Variants in PTPN12 observed in about 807,000 individuals in gnomAD.
PTPN12 encodes the protein tyrosine-protein phosphatase non-receptor type 12.
A neutral mutation model predicts 97.6 loss-of-function variants in PTPN12; 29 were observed. The observed-to-expected ratio is 0.30, with a 90% CI of 0.22 to 0.41. The LOEUF (loss-of-function observed/expected upper bound fraction) is 0.41, where lower values mean the gene tolerates loss of function less well. PTPN12 is among the 10% of genes least tolerant of loss of function. The pLI, the probability that PTPN12 is intolerant of heterozygous loss-of-function variation, is 1.00. For missense variants in PTPN12, 819 were observed against 926.0 expected, an observed-to-expected ratio of 0.88 and a Z score of 1.50; for synonymous variants, 327 against 300.4, an observed-to-expected ratio of 1.09 and a Z score of -0.91.
intron 1 of PTPN12, among the ~76,000 whole-genome samples, chr7:77,555,703 A>G (rs1036524206): frequency 1.3e-5 from 2 of 152,146 alleles, no homozygotes; most frequent in African/African-American, 2.4e-5. Flanking sequence ...TCGTGAGGTC[A>G]TGAGATCGAG....
At chr7:77,605,409 G>GTTTT (rs751962814) in intron 8 of PTPN12, among the ~76,000 whole-genome samples, 24 of 95,540 alleles carry the variant, frequency 2.5e-4, no homozygotes, top group Admixed American at 6.6e-4. Context: ...TTTGTCATGA[G>GTTTT]TTTTTTTTTT....
At chr7:77,570,987 G>A in intron 1 of PTPN12, 91 bp from the exon 2 acceptor site, 3 of 726,550 alleles carry the variant, frequency 4.1e-6, no homozygotes, top group East Asian at 6.3e-5. Flanking sequence ...AGGAAAATGA[G>A]TTGTGAGGAA....
At chr7:77,600,894 C>A in intron 8 of PTPN12, 88 bp downstream of exon 8, 1 of 1,152,438 alleles carries the variant, frequency 8.7e-7, no homozygotes, top group East Asian at 2.4e-5. Context: ...TGTTAGTAAT[C>A]TTGAATTTCT....
chr7:77,589,750 A>AAT (rs1357714944), intron 5 of PTPN12, among the ~76,000 whole-genome samples: 6 of 152,158 alleles, frequency 3.9e-5, no homozygotes, highest in Non-Finnish European at 7.4e-5. Context: ...AAGGGTTGTC[A>AAT]ATATATACAT....
intron 5 of PTPN12, among the ~76,000 whole-genome samples, chr7:77,587,430 T>G (rs547912327): frequency 6.6e-6 from 1 of 152,190 alleles, no homozygotes; most frequent in South Asian, 2.1e-4. Flanking sequence ...CTTAAAATAT[T>G]CATTAAACCA....
chr7:77,628,962 T>C (rs1332365453), intron 13 of PTPN12, among the ~76,000 whole-genome samples: 4 of 152,206 alleles, frequency 2.6e-5, no homozygotes, highest in Non-Finnish European at 5.9e-5. Flanking sequence ...GATGACAGTC[T>C]TTTTGAGACA....
Position 77,576,059 on chromosome 7 carries a change from TTGGCCAGAC to T in PTPN12, c.208+4877_208+4885del, listed in dbSNP as rs1399361593. Reference sequence around the variant, plus strand: ...TTAGTAGATACAGGGTTTCACTATGTTGGCCAGACTGGTCTCGAACTCCTGACCTCGTGA... The same window carrying T: ...TTAGTAGATACAGGGTTTCACTATGTTGGTCTCGAACTCCTGACCTCGTGA... On this transcript the variant is annotated intron_variant, in intron 2 of 17. Coordinates refer to ENST00000248594, the MANE Select transcript of PTPN12 (RefSeq NM_002835.4). Among the ~76,000 whole-genome samples the T allele has an allele frequency of 2.6e-5, 4 of 152,288 alleles. 1 individual carries two copies. The highest frequency in any genetic ancestry group is 9.6e-5 in the African/African-American group (4 of 41,570).
chr7:77,576,814 G>A lies in PTPN12; in HGVS notation c.209-4613G>A, dbSNP rs1584134904. On this transcript the variant is annotated intron_variant, in intron 2 of 17. Transcript: ENST00000248594. Reference sequence around the variant, plus strand: ...GGTGGCCCAAAATCATGGGTGCTGTGGCTTTCTCCCTAAGGTGTCACAGGA... The same window carrying A: ...GGTGGCCCAAAATCATGGGTGCTGTAGCTTTCTCCCTAAGGTGTCACAGGA... 2.0e-5 allele frequency among the ~76,000 whole-genome samples: 3 copies of A among 152,304 alleles called. No individual in the cohort carries two copies. The East Asian group carries it at 5.8e-4, about 29-fold the overall frequency.
chr7:77,589,620 AATTT>A (rs1750781818), intron 5 of PTPN12, among the ~76,000 whole-genome samples: 1 of 152,140 alleles, frequency 6.6e-6, no homozygotes, highest in Non-Finnish European at 1.5e-5. Flanking sequence ...GGGAAGCCTT[AATTT>A]ATTCCATTAC....
chr7:77,633,806 T>C (rs769340835), intron 14 of PTPN12, among the ~76,000 whole-genome samples: 1 of 151,914 alleles, frequency 6.6e-6, no homozygotes, highest in Non-Finnish European at 1.5e-5. Flanking sequence ...GAGGATTGCT[T>C]GAGCCTAAGA....
Position 77,597,905 on chromosome 7 carries a change from G to T in PTPN12, c.552+4G>T. The T allele has an allele frequency of 6.2e-7, 1 of 1,612,218 alleles. No homozygotes were observed. The highest frequency in any genetic ancestry group is 1.1e-5 in the South Asian group (1 of 90,518). On this transcript the variant is annotated splice_donor_region_variant and intron_variant, in intron 7 of 17. Coordinates refer to ENST00000248594, the MANE Select transcript of PTPN12 (RefSeq NM_002835.4). Reference sequence around the variant, plus strand: ...ACTCTTACTTGAATTTCAAAATGTAGGTACTTACCATTTATAGACTATCTG... The same window carrying T: ...ACTCTTACTTGAATTTCAAAATGTATGTACTTACCATTTATAGACTATCTG...
intron 12 of PTPN12, among the ~76,000 whole-genome samples, chr7:77,625,472 GCTCTCTCTCTCTCTCTCTCTCTCTCT>G (rs775712037): frequency 3.0e-5 from 1 of 33,522 alleles, no homozygotes; most frequent in Non-Finnish European, 5.0e-5. Flanking sequence ...CAGGCTGCTC[GCTCTCTCTCTCTCTCTCTCTCTCTCT>G]CTCTCTCTCT....
intron 1 of PTPN12, chr7:77,538,228 G>GATTCCTTAT: frequency 2.5e-6 from 1 of 405,988 alleles, no homozygotes; most frequent in Non-Finnish European, 3.3e-6. Flanking sequence ...TTGCCCATAA[G>GATTCCTTAT]GAATCTCATG....
intron 8 of PTPN12, 63 bp from the exon 9 acceptor site, chr7:77,607,172 C>T: frequency 5.6e-6 from 7 of 1,259,438 alleles, no homozygotes; most frequent in East Asian, 2.4e-5. Flanking sequence ...CATGTCTATC[C>T]ACATTTATTT....
intron 2 of PTPN12, among the ~76,000 whole-genome samples, chr7:77,581,134 G>A (rs1321364774): frequency 3.9e-5 from 6 of 151,996 alleles, no homozygotes; most frequent in African/African-American, 7.3e-5. Flanking sequence ...GTGCAGTGGC[G>A]CAATCTTGGC....
rs1789737878 is a variant in PTPN12, at chr7:77,639,962, T to C, written c.*682T>C. On this transcript the variant is annotated 3_prime_UTR_variant, in exon 18 of 18. Coordinates refer to ENST00000248594, the MANE Select transcript of PTPN12 (RefSeq NM_002835.4). ...CAATATTGAATTCTCTTAGCTTGTGTGTGTTTCTTTAATATTTGAACTCAA... is the reference window on the plus strand; with the variant it reads ...CAATATTGAATTCTCTTAGCTTGTGCGTGTTTCTTTAATATTTGAACTCAA... The C allele has an allele frequency of 6.6e-6, 1 of 152,604 alleles. No individual in the cohort carries two copies. The highest frequency in any genetic ancestry group is 2.1e-4 in the South Asian group (1 of 4,834). 9.5% of individuals were successfully genotyped at this position (152,604 alleles called of 1,614,324 possible). A position where few individuals can be genotyped will look rare whatever the true frequency, so the allele number is the denominator to read the frequency against.
At chr7:77,590,985 C>T (rs4729545) in intron 5 of PTPN12, among the ~76,000 whole-genome samples, 62,325 of 151,846 alleles carry the variant, frequency 0.41, 13,958 homozygotes, top group East Asian at 0.74. Context: ...TGCAGTGAGC[C>T]GTGATTGCAC....
chr7:77,576,372 T>G (rs1025803232), intron 2 of PTPN12, among the ~76,000 whole-genome samples: 1 of 152,186 alleles, frequency 6.6e-6, no homozygotes, highest in Non-Finnish European at 1.5e-5. Context: ...TTCATTTTTT[T>G]GATATTTAGA....
chr7:77,613,590 A>G (rs1307276090), intron 11 of PTPN12, among the ~76,000 whole-genome samples: 1 of 151,940 alleles, frequency 6.6e-6, no homozygotes, highest in African/African-American at 2.4e-5. Context: ...GCAGTGGCTC[A>G]TGCCTGGAAT....
Sources: allele counts gnomAD v4.1 joint callset (sites outside exome capture counted in the v4.1 genomes callset), GRCh38; gene constraint gnomAD v4.1.1; transcripts MANE v1.5; gene names NCBI Gene and HGNC (gene_info 2026-07-23, HGNC 2026-07-21).